Variants in ADGRG7 observed in about 807,000 individuals in gnomAD.
ADGRG7 encodes the protein adhesion G protein-coupled receptor G7.
ADGRG7 carries 82 observed loss-of-function variants against 88.6 expected under a neutral mutation model. That is an observed-to-expected ratio of 0.93 (90% confidence interval 0.77 to 1.11). The LOEUF (loss-of-function observed/expected upper bound fraction) is 1.11, where lower values mean the gene tolerates loss of function less well. ADGRG7 is among the 50% of genes most tolerant of loss of function. The pLI is 0.00. For missense variants in ADGRG7, 945 were observed against 953.4 expected (o/e 0.99, Z 0.12); for synonymous variants, 381 against 345.2 (o/e 1.10, Z -1.15).
intron 14 of ADGRG7, among the ~76,000 whole-genome samples, chr3:100,663,217 A>C (rs2094947806): frequency 6.6e-6 from 1 of 152,140 alleles, no homozygotes; most frequent in South Asian, 2.1e-4. Context: ...AAACTAAAAC[A>C]TGCAAGAAAA....
At chr3:100,640,357 CTA>C (rs1316825852) in intron 6 of ADGRG7, among the ~76,000 whole-genome samples, 1 of 152,058 alleles carries the variant, frequency 6.6e-6, no homozygotes, top group Non-Finnish European at 1.5e-5. Context: ...AATTGCCTTT[CTA>C]TAGTATAGGG....
At chr3:100,621,146 C>G (rs574944866) in intron 1 of ADGRG7, among the ~76,000 whole-genome samples, 3 of 152,072 alleles carry the variant, frequency 2.0e-5, no homozygotes, top group Non-Finnish European at 4.4e-5. Flanking sequence ...AACTCTCATA[C>G]TCTTCTCAGG....
chr3:100,647,043 G>C (rs1033446939), intron 10 of ADGRG7, among the ~76,000 whole-genome samples: 2 of 152,054 alleles, frequency 1.3e-5, no homozygotes, highest in African/African-American at 4.8e-5. Context: ...TGTAATCCCA[G>C]CTACTCAGGA....
In ADGRG7 at chr3:100,674,579, C is replaced by CT. The variant is rs34582443; in HGVS notation, c.2136+5490dup. On this transcript the variant is annotated intron_variant, in intron 15 of 15. Transcript: ENST00000273352. Reference sequence around the variant, plus strand: ...GTAAATAGGATTGCTTTCTTAATTCCTTTTTTTTTTTTTTTTGAGACAGAG... The same window carrying CT: ...GTAAATAGGATTGCTTTCTTAATTCCTTTTTTTTTTTTTTTTTGAGACAGAG... Among the ~76,000 whole-genome samples the CT allele has an allele frequency of 8.2e-3, 1,055 of 128,768 alleles. 11 individuals carry two copies. Among genetic ancestry groups the CT allele is most frequent in the African/African-American group, 0.022 (808 of 35,966 alleles). The allele number at this position is 128,768 out of a possible 152,430, so 84.5% of individuals were successfully genotyped here.
At chr3:100,636,044 T>C (rs1343526207) in intron 5 of ADGRG7, among the ~76,000 whole-genome samples, 1 of 152,206 alleles carries the variant, frequency 6.6e-6, no homozygotes, top group Non-Finnish European at 1.5e-5. Flanking sequence ...ATATTCCTAA[T>C]GATCATTATT....
At chr3:100,656,227 A>T (rs1192036454) in intron 13 of ADGRG7, among the ~76,000 whole-genome samples, 1 of 152,200 alleles carries the variant, frequency 6.6e-6, no homozygotes, top group East Asian at 1.9e-4. Context: ...ATAAATGTGA[A>T]CTTTCTTATG....
intron 6 of ADGRG7, among the ~76,000 whole-genome samples, chr3:100,639,427 G>A (rs1160813327): frequency 2.6e-5 from 4 of 152,216 alleles, no homozygotes; most frequent in East Asian, 1.9e-4. Context: ...ACAAAATAGA[G>A]CATTCAAAGA....
At chr3:100,676,167 C>A in intron 15 of ADGRG7, among the ~76,000 whole-genome samples, 1 of 151,638 alleles carries the variant, frequency 6.6e-6, no homozygotes, top group Admixed American at 6.6e-5. Flanking sequence ...CTTGCTTTTC[C>A]AGTTCCTTAA....
At chr3:100,672,527 T>C (rs2094960098) in intron 15 of ADGRG7, among the ~76,000 whole-genome samples, 1 of 152,198 alleles carries the variant, frequency 6.6e-6, no homozygotes, top group Non-Finnish European at 1.5e-5. Flanking sequence ...CTTCCTCTTT[T>C]CCTATTGGAT....
intron 1 of ADGRG7, among the ~76,000 whole-genome samples, chr3:100,626,137 G>T (rs1322617062): frequency 6.6e-6 from 1 of 152,130 alleles, no homozygotes; most frequent in African/African-American, 2.4e-5. Flanking sequence ...AATCCGTGTG[G>T]TCCTGGGCTT....
rs371504737 is a variant in ADGRG7, at chr3:100,643,581, C to T, written c.894C>T (p.Gly298=). Residue 298 remains glycine (G), a synonymous_variant, in exon 8 of 16, where the codon GGC becomes GGT. Transcript: ENST00000273352. The part of the protein sequence containing the change: ...SSTFIHTNVD[G]LNPDAQTELQ... Reference sequence around the variant, plus strand: ...CATTTATACATACAAATGTGGATGGCCTTAACCCAGATGCACAGACTGAGC... The same window carrying T: ...CATTTATACATACAAATGTGGATGGTCTTAACCCAGATGCACAGACTGAGC... 12 of 1,613,796 alleles carry T rather than the reference C, an allele frequency of 7.4e-6. No individual in the cohort carries two copies. The African/African-American group carries it at 1.2e-4, about 16-fold the overall frequency.
intron 15 of ADGRG7, among the ~76,000 whole-genome samples, chr3:100,676,564 G>C (rs1559689423): frequency 6.6e-6 from 1 of 152,194 alleles, no homozygotes; most frequent in East Asian, 1.9e-4. Context: ...GGAGAAGAAT[G>C]TGTATTCTGC....
rs370743313 is a variant in ADGRG7 at position 100,646,158 on chromosome 3, T to C, written c.1110+50T>C. 1.5e-5 allele frequency: 21 copies of C among 1,361,452 alleles called. No homozygotes were observed. The African/African-American group carries it at 3.0e-4, about 20-fold the overall frequency. 84.3% of individuals were successfully genotyped at this position (1,361,452 alleles called of 1,614,324 possible). On this transcript the variant is annotated intron_variant, in intron 9 of 15. Coordinates refer to ENST00000273352, the MANE Select transcript of ADGRG7 (RefSeq NM_032787.3). ...GAAAAAAGTGTCCTCATGCTTTCTT[T>C]CTGATGGTGGCAGCTGAGACTGAGT... is the stretch of plus-strand genomic sequence containing the variant.
intron 14 of ADGRG7, among the ~76,000 whole-genome samples, chr3:100,664,784 A>G (rs2094949728): frequency 6.6e-6 from 1 of 152,202 alleles, no homozygotes; most frequent in Non-Finnish European, 1.5e-5. Flanking sequence ...ACCATAAGTT[A>G]TAGAAGTTAG....
chr3:100,677,227 T>G (rs2094966599), intron 15 of ADGRG7, among the ~76,000 whole-genome samples: 1 of 152,144 alleles, frequency 6.6e-6, no homozygotes, highest in East Asian at 1.9e-4. Flanking sequence ...CTTTTTATTT[T>G]TTGTGTATCT....
intron 10 of ADGRG7, among the ~76,000 whole-genome samples, chr3:100,647,450 A>G (rs1022962518): frequency 1.3e-5 from 2 of 152,232 alleles, no homozygotes; most frequent in Non-Finnish European, 2.9e-5. Context: ...GCTTTTCCCA[A>G]TGAAATTGCT....
intron 1 of ADGRG7, among the ~76,000 whole-genome samples, chr3:100,628,526 T>C (rs996838203): frequency 7.9e-5 from 12 of 152,026 alleles, no homozygotes; most frequent in African/African-American, 2.9e-4. Context: ...ACCAGGTTAA[T>C]TGTATTTTTA....
intron 1 of ADGRG7, among the ~76,000 whole-genome samples, chr3:100,618,018 C>T (rs372480641): frequency 5.9e-5 from 9 of 152,070 alleles, no homozygotes; most frequent in South Asian, 2.1e-4. Context: ...TGTCTTCTGT[C>T]GAGAAGTGTC....
chr3:100,628,121 T>G (rs1707406544), intron 1 of ADGRG7, among the ~76,000 whole-genome samples: 1 of 152,146 alleles, frequency 6.6e-6, no homozygotes, highest in Non-Finnish European at 1.5e-5. Flanking sequence ...CCTTAACCCA[T>G]TAAGACTGGC....
Sources: allele counts gnomAD v4.1 joint callset (sites outside exome capture counted in the v4.1 genomes callset), GRCh38; gene constraint gnomAD v4.1.1; transcripts MANE v1.5; gene names NCBI Gene and HGNC (gene_info 2026-07-23, HGNC 2026-07-21).